The following ZNF699 variants were observed in gnomAD, a reference collection of about 807,000 sequenced individuals.
The protein encoded by ZNF699 is hangover homolog.
A neutral mutation model predicts 22.5 loss-of-function variants in ZNF699; 18 were observed. The ratio of observed to expected loss-of-function variants is 0.80; its 90% CI spans 0.55 to 1.19. ZNF699 has a LOEUF of 1.19. Among genes scored for constraint, ZNF699 ranks in the 50% most tolerant of loss-of-function variants. ZNF699 has a pLI of 0.00. For missense variants in ZNF699, 670 were observed against 763.4 expected, an observed-to-expected ratio of 0.88 and a Z score of 1.44; for synonymous variants, 241 against 262.3, an observed-to-expected ratio of 0.92 and a Z score of 0.78.
intron 2 of ZNF699, among the ~76,000 whole-genome samples, chr19:9,304,386 A>AT (rs1373131301): frequency 9.3e-5 from 14 of 150,752 alleles, no homozygotes; most frequent in Non-Finnish European, 2.9e-5. Context: ...GCAGCCTTTC[A>AT]TTTTTTTCCC....
rs1172072536 is a variant in ZNF699 at position 9,297,845 on chromosome 19, C to T, written c.286+35G>A. 5 of 1,517,894 alleles carry T rather than the reference C, an allele frequency of 3.3e-6. No homozygotes were observed. Among genetic ancestry groups the T allele is most frequent in the Non-Finnish European group, 4.5e-6 (5 of 1,101,060 alleles). The allele number at this position is 1,517,894 out of a possible 1,614,324, so 94.0% of individuals were successfully genotyped here. A position where few individuals can be genotyped will look rare whatever the true frequency, so the allele number is the denominator to read the frequency against. On this transcript the variant is annotated intron_variant, in intron 4 of 5. Transcript: ENST00000591998. The surrounding 1 kb of genome is among the most constrained non-coding windows in gnomAD (Gnocchi z 4.3). ...TTTTTTACTTTAAGTTTATTTTTTCCCCCAACCAAAACAGTTTCTCCCAAG... is the reference window on the plus strand; with the variant it reads ...TTTTTTACTTTAAGTTTATTTTTTCTCCCAACCAAAACAGTTTCTCCCAAG...
chr19:9,302,304 C>A, intron 3 of ZNF699, 74 bp downstream of exon 3: 1 of 1,567,500 alleles, frequency 6.4e-7, no homozygotes, highest in African/African-American at 1.4e-5. Flanking sequence ...CAGCCCAAAT[C>A]CTAGAATAAA....
At chr19:9,302,919 C>T (rs991635483) in intron 2 of ZNF699, among the ~76,000 whole-genome samples, 1 of 151,662 alleles carries the variant, frequency 6.6e-6, no homozygotes, top group Non-Finnish European at 1.5e-5. Context: ...GCAGCTACTC[C>T]GGAGGCTGAG....
intron 3 of ZNF699, among the ~76,000 whole-genome samples, chr19:9,301,489 A>T (rs1358637148): frequency 1.3e-5 from 2 of 152,180 alleles, no homozygotes; most frequent in Non-Finnish European, 2.9e-5. Flanking sequence ...GCTGTGAAGG[A>T]AAAAATTTCC....
chr19:9,299,100 T>C (rs1303899285), intron 3 of ZNF699, among the ~76,000 whole-genome samples: 1 of 152,232 alleles, frequency 6.6e-6, no homozygotes, highest in Admixed American at 6.5e-5. Context: ...AGGAGAAAAA[T>C]CTAAATGACC....
chr19:9,307,925 A>C (rs2066333349), intron 1 of ZNF699, among the ~76,000 whole-genome samples: 3 of 150,434 alleles, frequency 2.0e-5, no homozygotes, highest in African/African-American at 7.4e-5. Flanking sequence ...CCAGCCTGGG[A>C]GACACAGCGA....
At chr19:9,308,380 GA>G (rs1302321718) in intron 1 of ZNF699, among the ~76,000 whole-genome samples, 1 of 151,748 alleles carries the variant, frequency 6.6e-6, no homozygotes, top group Admixed American at 6.6e-5. Flanking sequence ...GGAGAATATA[GA>G]AAAAATTTAA....
At chr19:9,302,643 T>C (rs2066312096) in intron 2 of ZNF699, 139 bp from the exon 3 acceptor site, 4 of 781,722 alleles carry the variant, frequency 5.1e-6, no homozygotes, top group Non-Finnish European at 7.9e-6. Flanking sequence ...ACTCTAGGGC[T>C]CAGTCAACAA....
Position 9,302,379 on chromosome 19 carries a change from T to C in ZNF699, c.174A>G (p.Leu58=), listed in dbSNP as rs2066310674. 1 of 1,613,634 alleles carries C rather than the reference T, an allele frequency of 6.2e-7. No homozygotes were observed. The highest frequency in any genetic ancestry group is 8.5e-7 in the Non-Finnish European group (1 of 1,179,754). Residue 58 remains leucine (L), a splice_region_variant and synonymous_variant, in exon 3 of 6, where the codon CTA becomes CTG. Transcript: ENST00000591998. Reference sequence around the variant, plus strand: ...ATGAAAGAATCTTGCCATTCTTACCTAGTGAGGCCAGGTTCTGGAAGTTTT... The same window carrying C: ...ATGAAAGAATCTTGCCATTCTTACCCAGTGAGGCCAGGTTCTGGAAGTTTT... ...MLENFQNLAS[L]GYPLHTPHLI...
chr19:9,296,184 C>G lies in ZNF699; in HGVS notation c.1220G>C (p.Ser407Thr). The stretch of plus-strand genomic sequence containing the variant: ...TCCAGTGTGTTTTCTCATATGGATA[C>G]TTAAGGAGGAGGGACAATTGTAGGC... Reference protein sequence around the residue: ...GKAYNCPSSLSIHMRKHTGEK... With the variant: ...GKAYNCPSSLTIHMRKHTGEK... The change falls in exon 6 of 6, where the codon AGT (serine) becomes ACT (threonine). Residue 407 changes from serine (S) to threonine (T), a missense_variant. Ser to Thr is a moderately conservative substitution (Grantham distance 58, BLOSUM62 1). Coordinates refer to ENST00000591998, the MANE Select transcript of ZNF699 (RefSeq NM_198535.3). 6.2e-7 allele frequency: 1 copy of G among 1,613,770 alleles called. No individual in the cohort carries two copies. Among genetic ancestry groups the G allele is most frequent in the Non-Finnish European group, 8.5e-7 (1 of 1,179,898 alleles).
rs1236442843 is a variant in ZNF699 at position 9,293,505 on chromosome 19, CATT to C, written c.*1967_*1969del. Reference sequence around the variant, plus strand: ...AAGAACAATTAAAAGTCAAACCACACATTATGTTGAGCAAAAGAAGTCAAAACA... The same window carrying C: ...AAGAACAATTAAAAGTCAAACCACACATGTTGAGCAAAAGAAGTCAAAACA... On this transcript the variant is annotated 3_prime_UTR_variant, in exon 6 of 6. Coordinates refer to ENST00000591998, the MANE Select transcript of ZNF699 (RefSeq NM_198535.3). Among the ~76,000 whole-genome samples the C allele has an allele frequency of 6.6e-6, 1 of 152,136 alleles. No homozygotes were observed. The highest frequency in any genetic ancestry group is 2.1e-4 in the South Asian group (1 of 4,830).
chr19:9,294,042 A>G lies in ZNF699; in HGVS notation c.*1433T>C, dbSNP rs924618257. Among the ~76,000 whole-genome samples the G allele has an allele frequency of 1.3e-5, 2 of 152,072 alleles. No homozygotes were observed. The highest frequency in any genetic ancestry group is 2.9e-5 in the Non-Finnish European group (2 of 68,018). On this transcript the variant is annotated 3_prime_UTR_variant, in exon 6 of 6. Transcript: ENST00000591998. Reference sequence around the variant, plus strand: ...ATGCTTACCTCAATTACCAAGGGTAACTTCCCTCACTCTCCACAGCTCTTG... The same window carrying G: ...ATGCTTACCTCAATTACCAAGGGTAGCTTCCCTCACTCTCCACAGCTCTTG...
At position 9,291,418 on chromosome 19, in the gene ZNF699, T is replaced by C. The variant is rs1192247071; in HGVS notation, c.*4057A>G. 1 of 152,092 alleles carries C rather than the reference T, an allele frequency of 6.6e-6. No homozygotes were observed. Among genetic ancestry groups the C allele is most frequent in the Non-Finnish European group, 1.5e-5 (1 of 68,022 alleles). 9.4% of individuals were successfully genotyped at this position (152,092 alleles called of 1,614,324 possible). On this transcript the variant is annotated 3_prime_UTR_variant, in exon 6 of 6. Coordinates refer to ENST00000591998, the MANE Select transcript of ZNF699 (RefSeq NM_198535.3). Reference sequence around the variant, plus strand: ...TATTACAAAGCAACATAAATTAAGATAGTATGGTATTGATGCAAGAAAAGA... The same window carrying C: ...TATTACAAAGCAACATAAATTAAGACAGTATGGTATTGATGCAAGAAAAGA...
chr19:9,296,706 T>C lies in ZNF699; in HGVS notation c.698A>G (p.His233Arg). 1 of 1,603,854 alleles carries C rather than the reference T, an allele frequency of 6.2e-7. No individual in the cohort carries two copies. The highest frequency in any genetic ancestry group is 8.5e-7 in the Non-Finnish European group (1 of 1,176,990). The change falls in exon 6 of 6, where the codon CAT (histidine) becomes CGT (arginine). Residue 233 changes from histidine (H) to arginine (R), a missense_variant. His to Arg is a conservative substitution (Grantham distance 29). Coordinates refer to ENST00000591998, the MANE Select transcript of ZNF699 (RefSeq NM_198535.3). ...ATGCTTCTTGAAACAAGCAAGAAAA[T>C]GGAAGGCCTTCCCACATTCCTTGCA... is the stretch of plus-strand genomic sequence containing the variant. ...YQCKECGKAF[H>R]FLACFKKHMK...
intron 1 of ZNF699, 23 bp downstream of exon 1, chr19:9,309,327 G>A (rs2066338933): frequency 6.6e-6 from 1 of 152,330 alleles, no homozygotes; most frequent in East Asian, 1.9e-4. Flanking sequence ...ACCGAGCCGA[G>A]GCAAATGTCA....
rs529706865 is a variant in ZNF699 at position 9,305,567 on chromosome 19, C to A, written c.-5-443G>T. On this transcript the variant is annotated intron_variant, in intron 1 of 5. Coordinates refer to ENST00000591998, the MANE Select transcript of ZNF699 (RefSeq NM_198535.3). ...AGAAAGCACTGATTTATATGCCAGGCTTCTGGGAGTTCCACTCCCGATATT... is the reference window on the plus strand; with the variant it reads ...AGAAAGCACTGATTTATATGCCAGGATTCTGGGAGTTCCACTCCCGATATT... 9.2e-4 allele frequency among the ~76,000 whole-genome samples: 140 copies of A among 152,336 alleles called. 1 individual carries two copies. Among genetic ancestry groups the A allele is most frequent in the African/African-American group, 3.0e-3 (125 of 41,570 alleles).
chr19:9,307,901 C>T (rs1478322437), intron 1 of ZNF699, among the ~76,000 whole-genome samples: 3 of 149,192 alleles, frequency 2.0e-5, no homozygotes, highest in African/African-American at 7.4e-5. Flanking sequence ...GAGCCAAGAT[C>T]ACGCCACTGC....
In ZNF699 at chr19:9,296,586, T is replaced by C. The variant is rs1210422727; in HGVS notation, c.818A>G (p.His273Arg). 6.2e-7 allele frequency: 1 copy of C among 1,614,080 alleles called. No homozygotes were observed. Among genetic ancestry groups the C allele is most frequent in the Non-Finnish European group, 8.5e-7 (1 of 1,180,028 alleles). The change falls in exon 6 of 6, where the codon CAC (histidine) becomes CGC (arginine). Residue 273 changes from histidine to arginine, a missense_variant. Transcript: ENST00000591998. Reference protein sequence around the residue: ...SSFFRAHMKIHIGKTNYECKE... With the variant: ...SSFFRAHMKIRIGKTNYECKE... ...ACATTCATAGTTTGTCTTTCCGATG[T>C]GAATCTTCATATGTGCCCTAAAGAA...
In ZNF699 at chr19:9,291,423, T is replaced by G. The variant is rs892819476; in HGVS notation, c.*4052A>C. ...CAAAGCAACATAAATTAAGATAGTA[T>G]GGTATTGATGCAAGAAAAGACAAAT... On this transcript the variant is annotated 3_prime_UTR_variant, in exon 6 of 6. Transcript: ENST00000591998. The G allele has an allele frequency of 6.6e-6, 1 of 152,140 alleles. No individual in the cohort carries two copies. The highest frequency in any genetic ancestry group is 1.9e-4 in the East Asian group (1 of 5,194). The allele number at this position is 152,140 out of a possible 1,614,324, so 9.4% of individuals were successfully genotyped here.
Sources: allele counts gnomAD v4.1 joint callset (sites outside exome capture counted in the v4.1 genomes callset), GRCh38; gene constraint gnomAD v4.1.1; non-coding constraint Gnocchi (gnomAD v3.1); transcripts MANE v1.5; gene names NCBI Gene and HGNC (gene_info 2026-07-23, HGNC 2026-07-21).